GALNT9: variants seen among roughly 807,000 people sequenced by gnomAD.
GALNT9 encodes the protein GalNAc transferase 9.
Under a neutral mutation model 63.1 loss-of-function variants are expected in GALNT9, and 47 were observed. The observed-to-expected ratio is 0.75, with a 90% confidence interval of 0.59 to 0.95. GALNT9 has a LOEUF of 0.95. Among genes scored for constraint, GALNT9 ranks in the 40% least tolerant of loss-of-function variants. The pLI, the probability that GALNT9 is intolerant of heterozygous loss-of-function variation, is 0.00. For missense variants in GALNT9, 829 were observed against 874.8 expected (o/e 0.95, Z 0.66); for synonymous variants, 396 against 365.7 (o/e 1.08, Z -0.94).
chr12:132,284,805 A>G (rs1880523541), intron 2 of GALNT9, among the ~76,000 whole-genome samples: 1 of 152,228 alleles, frequency 6.6e-6, no homozygotes, highest in South Asian at 2.1e-4. Flanking sequence ...AAGGGTGTGA[A>G]GTGGGCCCCA....
intron 3 of GALNT9, among the ~76,000 whole-genome samples, chr12:132,262,080 C>T (rs1555239819): frequency 6.6e-6 from 1 of 152,228 alleles, no homozygotes; most frequent in African/African-American, 2.4e-5. Context: ...TTCATCTCCA[C>T]CCGGAGCCTG....
chr12:132,329,376 G>A lies in GALNT9; in HGVS notation c.-173C>T, dbSNP rs1317183208. ...CTCAGCGCGCCGGGCCACGGCCGCC[G>A]GGGGTCCCCCAGAGCGCAGAGGGCT... is the stretch of plus-strand genomic sequence containing the variant. On this transcript the variant is annotated 5_prime_UTR_variant, in exon 1 of 11. Coordinates refer to ENST00000328957, the MANE Select transcript of GALNT9 (RefSeq NM_001122636.2). The A allele has an allele frequency of 5.0e-6, 5 of 998,492 alleles. No individual in the cohort carries two copies. The highest frequency in any genetic ancestry group is 6.7e-6 in the Non-Finnish European group (5 of 749,216). 61.9% of individuals were successfully genotyped at this position (998,492 alleles called of 1,614,324 possible). A position where few individuals can be genotyped will look rare whatever the true frequency, so the allele number is the denominator to read the frequency against.
At chr12:132,292,198 G>A (rs368883624) in intron 1 of GALNT9, among the ~76,000 whole-genome samples, 15 of 152,084 alleles carry the variant, frequency 9.9e-5, no homozygotes, top group Non-Finnish European at 1.3e-4. Context: ...CCTCCGCTAC[G>A]CTCTCTGCTT....
chr12:132,252,465 C>A lies in GALNT9; in HGVS notation c.960-4438G>T, dbSNP rs539732947. Reference sequence around the variant, plus strand: ...AAAGAGTGAAATGTAGGGTCCAGCCCTACAGGGCTTAGCGGGTGTTCTCCC... The same window carrying A: ...AAAGAGTGAAATGTAGGGTCCAGCCATACAGGGCTTAGCGGGTGTTCTCCC... On this transcript the variant is annotated intron_variant, in intron 5 of 10. Transcript: ENST00000328957. The surrounding 1 kb of genome is among the most constrained non-coding windows in gnomAD (Gnocchi z 5.2). Among the ~76,000 whole-genome samples, 2 of 152,348 alleles carry A rather than the reference C, an allele frequency of 1.3e-5. No homozygotes were observed. Among genetic ancestry groups the A allele is most frequent in the South Asian group, 4.1e-4 (2 of 4,832 alleles).
At chr12:132,281,534 G>A (rs1593102107) in intron 2 of GALNT9, among the ~76,000 whole-genome samples, 1 of 152,358 alleles carries the variant, frequency 6.6e-6, no homozygotes, top group South Asian at 2.1e-4. Context: ...GCAGAGAGCT[G>A]TGTGCCTTCA....
At chr12:132,237,153 AG>A (rs1306645185) in intron 6 of GALNT9, among the ~76,000 whole-genome samples, 5 of 152,084 alleles carry the variant, frequency 3.3e-5, no homozygotes, top group African/African-American at 7.2e-5. Flanking sequence ...TGTGGGACCC[AG>A]GGCTGGTTGG....
intron 6 of GALNT9, among the ~76,000 whole-genome samples, chr12:132,239,295 CAGAGAG>C (rs1198083285): frequency 7.7e-6 from 1 of 130,346 alleles, no homozygotes; most frequent in Non-Finnish European, 1.7e-5. Context: ...CACAGAGAGA[CAGAGAG>C]AGACACACAC....
intron 2 of GALNT9, among the ~76,000 whole-genome samples, chr12:132,264,254 C>T (rs1031393568): frequency 5.9e-5 from 9 of 152,220 alleles, no homozygotes; most frequent in Non-Finnish European, 1.3e-4. Context: ...GACGCAGAGG[C>T]CCCCGGGACG....
intron 1 of GALNT9, among the ~76,000 whole-genome samples, chr12:132,287,168 G>C (rs1880632814): frequency 6.8e-6 from 1 of 146,462 alleles, no homozygotes; most frequent in South Asian, 2.2e-4. Flanking sequence ...CCCCCCGTGA[G>C]CCACGGCCCT....
intron 1 of GALNT9, among the ~76,000 whole-genome samples, chr12:132,326,919 T>G (rs367547528): frequency 1.4e-4 from 21 of 152,234 alleles, no homozygotes; most frequent in African/African-American, 5.1e-4. Context: ...GGCACCGCCC[T>G]CCCCGTAGGG....
Position 132,329,366 on chromosome 12 carries a change from C to A in GALNT9, c.-163G>T. 2 of 1,100,334 alleles carry A rather than the reference C, an allele frequency of 1.8e-6. No individual in the cohort carries two copies. Among genetic ancestry groups the A allele is most frequent in the Non-Finnish European group, 2.4e-6 (2 of 838,948 alleles). The allele number at this position is 1,100,334 out of a possible 1,614,324, so 68.2% of individuals were successfully genotyped here. On this transcript the variant is annotated 5_prime_UTR_variant, in exon 1 of 11. Transcript: ENST00000328957. ...TCAGCACCAGCTCAGCGCGCCGGGC[C>A]ACGGCCGCCGGGGGTCCCCCAGAGC...
In GALNT9 at chr12:132,327,917, A is replaced by G. The variant is rs935589408; in HGVS notation, c.238+1049T>C. On this transcript the variant is annotated intron_variant, in intron 1 of 10. Transcript: ENST00000328957. This position sits in a 1 kb window ranked among gnomAD's most constrained non-coding sequence, Gnocchi z 4.3. ...CTTTGCCCCCACACACAGCAGGCAC[A>G]TCCGGAGCCCCCGCCTGCCCGCGTA... Among the ~76,000 whole-genome samples the G allele has an allele frequency of 2.7e-5, 4 of 150,134 alleles. No homozygotes were observed. The highest frequency in any genetic ancestry group is 5.9e-5 in the Non-Finnish European group (4 of 67,664).
chr12:132,287,346 A>C (rs1880640870), intron 1 of GALNT9, among the ~76,000 whole-genome samples: 1 of 152,098 alleles, frequency 6.6e-6, no homozygotes, highest in Non-Finnish European at 1.5e-5. Flanking sequence ...AAAAATATTA[A>C]CCCGAAAATT....
chr12:132,294,751 C>T (rs1402772515), intron 1 of GALNT9, among the ~76,000 whole-genome samples: 4 of 152,220 alleles, frequency 2.6e-5, no homozygotes, highest in Non-Finnish European at 5.9e-5. Context: ...AGCCGCTTGG[C>T]TTTCCCAGTC....
chr12:132,303,931 ACACCCT>A (rs1555244194), intron 1 of GALNT9, among the ~76,000 whole-genome samples: 2 of 50,578 alleles, frequency 4.0e-5, no homozygotes, highest in Non-Finnish European at 3.8e-5. Flanking sequence ...TCGCCCAGAC[ACACCCT>A]CGCCCGGGCA....
At position 132,252,822 on chromosome 12, in the gene GALNT9, G is replaced by GT. The variant is rs1387811207; in HGVS notation, c.960-4796dup. On this transcript the variant is annotated intron_variant, in intron 5 of 10. Coordinates refer to ENST00000328957, the MANE Select transcript of GALNT9 (RefSeq NM_001122636.2). The surrounding 1 kb of genome is among the most constrained non-coding windows in gnomAD (Gnocchi z 5.2). ...CGCTTGAACCTGGGAGGCGGAGGTT[G>GT]TGGTGAGCCGAGATCGCACCACTGC... Among the ~76,000 whole-genome samples, 2 of 152,046 alleles carry GT rather than the reference G, an allele frequency of 1.3e-5. No homozygotes were observed. The highest frequency in any genetic ancestry group is 1.5e-5 in the Non-Finnish European group (1 of 68,014).
intron 1 of GALNT9, among the ~76,000 whole-genome samples, chr12:132,309,117 G>C (rs1242675434): frequency 1.3e-5 from 2 of 152,252 alleles, no homozygotes; most frequent in African/African-American, 2.4e-5. Context: ...GGCTGCAGGC[G>C]TGTCTGTCCC....
At chr12:132,294,746 C>A (rs141573682) in intron 1 of GALNT9, among the ~76,000 whole-genome samples, 1 of 69,880 alleles carries the variant, frequency 1.4e-5, no homozygotes, top group African/African-American at 9.8e-5. Flanking sequence ...GTCAGAGCCG[C>A]TTGGCTTTCC....
intron 6 of GALNT9, 29 bp from the exon 7 acceptor site, chr12:132,203,719 G>C (rs770839659): frequency 6.2e-7 from 1 of 1,602,632 alleles, no homozygotes. Context: ...GGGTGCCGGC[G>C]TCCTTCCCAA....
Sources: allele counts gnomAD v4.1 joint callset (sites outside exome capture counted in the v4.1 genomes callset), GRCh38; gene constraint gnomAD v4.1.1; non-coding constraint Gnocchi (gnomAD v3.1); transcripts MANE v1.5; gene names NCBI Gene and HGNC (gene_info 2026-07-23, HGNC 2026-07-21).